The following JAZF1 variants were observed in gnomAD, a reference collection of about 807,000 sequenced individuals.
JAZF1 encodes JAZF zinc finger 1.
JAZF1 carries 8 observed loss-of-function variants against 26.4 expected under a neutral mutation model. The observed-to-expected ratio is 0.30, with a 90% CI of 0.18 to 0.55. The LOEUF is 0.55. JAZF1 is among the 20% of genes least tolerant of loss of function. The pLI is 0.94. For missense variants in JAZF1, 199 were observed against 322.0 expected, an observed-to-expected ratio of 0.62 and a Z score of 2.92; for synonymous variants, 126 against 122.3, an observed-to-expected ratio of 1.03 and a Z score of -0.20.
intron 1 of JAZF1, among the ~76,000 whole-genome samples, chr7:28,065,770 CCTT>C (rs1265244348): frequency 1.3e-5 from 2 of 151,988 alleles, no homozygotes; most frequent in African/African-American, 4.8e-5. Context: ...CTATATTTGT[CCTT>C]CTTTTTAAAT....
Position 27,831,069 on chromosome 7 carries a change from C to T in JAZF1, c.*1731G>A, listed in dbSNP as rs557072177. 48 of 221,710 alleles carry T rather than the reference C, an allele frequency of 2.2e-4. No homozygotes were observed. The highest frequency in any genetic ancestry group is 1.8e-3 in the Admixed American group (32 of 17,418). The allele number at this position is 221,710 out of a possible 1,614,324, so 13.7% of individuals were successfully genotyped here. On this transcript the variant is annotated 3_prime_UTR_variant, in exon 5 of 5. Transcript: ENST00000283928. ...GGCCTTCTTATGCACCAACTAGTTG[C>T]GTCTCATGTCTGGATCACCCTTTTA...
At chr7:28,075,226 C>T (rs1426316121) in intron 1 of JAZF1, among the ~76,000 whole-genome samples, 1 of 152,092 alleles carries the variant, frequency 6.6e-6, no homozygotes, top group Non-Finnish European at 1.5e-5. Context: ...GCAGCATTTT[C>T]CAAAATGAAG....
Position 27,831,013 on chromosome 7 carries a change from A to T in JAZF1, c.*1787T>A, listed in dbSNP as rs1449785462. On this transcript the variant is annotated 3_prime_UTR_variant, in exon 5 of 5. Transcript: ENST00000283928. ...CTGGCCTAAAAAATTTTTTTTGGTC[A>T]ATTGTAGGTAGATATGAAATAGCCA... 4.6e-6 allele frequency: 1 copy of T among 219,498 alleles called. No homozygotes were observed. The highest frequency in any genetic ancestry group is 9.2e-6 in the Non-Finnish European group (1 of 109,234). The allele number at this position is 219,498 out of a possible 1,614,324, so 13.6% of individuals were successfully genotyped here.
chr7:27,925,555 G>A (rs1418284839), intron 2 of JAZF1, among the ~76,000 whole-genome samples: 2 of 152,046 alleles, frequency 1.3e-5, no homozygotes, highest in Non-Finnish European at 2.9e-5. Flanking sequence ...ACAAGTAGCT[G>A]GGACTACAGG....
At chr7:27,982,677 T>C (rs34714526) in intron 2 of JAZF1, among the ~76,000 whole-genome samples, 51,395 of 151,966 alleles carry the variant, frequency 0.34, 9,753 homozygotes, top group Middle Eastern at 0.45. Context: ...GACCCCCGAG[T>C]ATCCTAACTG....
intron 1 of JAZF1, among the ~76,000 whole-genome samples, chr7:28,070,292 C>T (rs147713333): frequency 1.5e-3 from 226 of 152,220 alleles, no homozygotes; most frequent in African/African-American, 5.3e-3. Context: ...GCATACCTCA[C>T]GAAAGTGATC....
At chr7:28,025,245 T>C (rs1398417709) in intron 1 of JAZF1, among the ~76,000 whole-genome samples, 1 of 152,184 alleles carries the variant, frequency 6.6e-6, no homozygotes, top group African/African-American at 2.4e-5. Context: ...TTAAAGAACA[T>C]TTGTCCTCAT....
At chr7:27,926,188 A>G (rs1784599299) in intron 2 of JAZF1, among the ~76,000 whole-genome samples, 1 of 152,234 alleles carries the variant, frequency 6.6e-6, no homozygotes, top group Non-Finnish European at 1.5e-5. Flanking sequence ...TCCTGGACAC[A>G]GTACTTGGGT....
chr7:28,156,987 T>A (rs909814780), intron 1 of JAZF1, among the ~76,000 whole-genome samples: 3 of 152,252 alleles, frequency 2.0e-5, no homozygotes, highest in African/African-American at 7.2e-5. Context: ...AAGACAGTCT[T>A]CAATATCCAT....
chr7:28,014,320 C>T (rs1782846362), intron 1 of JAZF1, among the ~76,000 whole-genome samples: 1 of 152,222 alleles, frequency 6.6e-6, no homozygotes, highest in South Asian at 2.1e-4. Flanking sequence ...GTGACAGTAA[C>T]ACAAGCAGGG....
intron 1 of JAZF1, among the ~76,000 whole-genome samples, chr7:28,101,935 A>G (rs1784478196): frequency 6.6e-6 from 1 of 152,200 alleles, no homozygotes; most frequent in South Asian, 2.1e-4. Flanking sequence ...TATTTTTAAC[A>G]GAATACAGCT....
At chr7:27,952,556 T>C (rs935995791) in intron 2 of JAZF1, among the ~76,000 whole-genome samples, 8 of 152,238 alleles carry the variant, frequency 5.3e-5, no homozygotes, top group African/African-American at 1.9e-4. Context: ...AATACAGATC[T>C]GGCTACAAGA....
intron 1 of JAZF1, among the ~76,000 whole-genome samples, chr7:28,174,981 T>C (rs1380411174): frequency 1.5e-5 from 1 of 67,976 alleles, no homozygotes. Flanking sequence ...AAGCCTTTCA[T>C]TCATTCATTT....
chr7:28,112,103 G>A (rs1346584715), intron 1 of JAZF1, among the ~76,000 whole-genome samples: 1 of 152,304 alleles, frequency 6.6e-6, no homozygotes, highest in South Asian at 2.1e-4. Flanking sequence ...ATCATGAGGT[G>A]TCTTCGCCTC....
At chr7:28,029,466 A>G (rs1783149028) in intron 1 of JAZF1, among the ~76,000 whole-genome samples, 1 of 152,232 alleles carries the variant, frequency 6.6e-6, no homozygotes, top group African/African-American at 2.4e-5. Context: ...AAGCACAGGC[A>G]ACAGAACAGA....
intron 2 of JAZF1, among the ~76,000 whole-genome samples, chr7:27,937,032 T>C (rs543895821): frequency 6.6e-6 from 1 of 152,240 alleles, no homozygotes; most frequent in Non-Finnish European, 1.5e-5. Context: ...TAAATAAGCA[T>C]TGTACTCATC....
At chr7:28,062,723 G>A (rs1389002075) in intron 1 of JAZF1, among the ~76,000 whole-genome samples, 4 of 152,146 alleles carry the variant, frequency 2.6e-5, no homozygotes, top group Admixed American at 1.3e-4. Context: ...CCTTCCTTGC[G>A]TATTTTTCTT....
chr7:27,907,641 CA>C (rs1230912792), intron 2 of JAZF1, among the ~76,000 whole-genome samples: 1 of 152,070 alleles, frequency 6.6e-6, no homozygotes, highest in African/African-American at 2.4e-5. Flanking sequence ...AATCTAGCAC[CA>C]GGGGGTGAGG....
chr7:27,927,338 A>G (rs1391529550), intron 2 of JAZF1, among the ~76,000 whole-genome samples: 1 of 152,244 alleles, frequency 6.6e-6, no homozygotes, highest in Admixed American at 6.5e-5. Context: ...TGGGAAGGTC[A>G]CTTAGGAACA....
Sources: gnomAD v4.1 joint callset for allele counts (sites outside exome capture counted in the v4.1 genomes callset) on GRCh38, gnomAD v4.1.1 for gene constraint, MANE v1.5 for transcripts, NCBI Gene and HGNC (gene_info 2026-07-23, HGNC 2026-07-21) for gene names.